GRAMD2A: variants seen among roughly 807,000 people sequenced by gnomAD.
GRAMD2A encodes GRAM domain-containing protein 2A.
A neutral mutation model predicts 51.1 loss-of-function variants in GRAMD2A; 37 were observed. The observed-to-expected ratio is 0.72, with a 90% CI of 0.56 to 0.95. GRAMD2A has a LOEUF of 0.95. Ranked by LOEUF, GRAMD2A falls within the 40% of genes least tolerant of loss-of-function variation. The pLI, the probability that GRAMD2A is intolerant of heterozygous loss-of-function variation, is 0.00. For synonymous variants in GRAMD2A, 136 were observed against 157.1 expected (o/e 0.87, Z 1.01); for missense variants, 414 against 426.9 (o/e 0.97, Z 0.27).
chr15:72,193,527 C>CTT (rs895492895), intron 1 of GRAMD2A, among the ~76,000 whole-genome samples: 1 of 134,656 alleles, frequency 7.4e-6, no homozygotes, highest in Non-Finnish European at 1.6e-5. Context: ...TTGTGCATTT[C>CTT]TTTTTTTTTT....
chr15:72,193,900 T>C (rs2081787232), intron 1 of GRAMD2A, among the ~76,000 whole-genome samples: 1 of 152,168 alleles, frequency 6.6e-6, no homozygotes, highest in Admixed American at 6.5e-5. Flanking sequence ...TACAGTGGCT[T>C]ATATCCCTGA....
At position 72,163,640 on chromosome 15, in the gene GRAMD2A, A is replaced by G; in HGVS notation, c.718T>C (p.Phe240Leu). The G allele has an allele frequency of 1.2e-6, 2 of 1,601,064 alleles. No individual in the cohort carries two copies. The highest frequency in any genetic ancestry group is 2.3e-5 in the South Asian group (2 of 88,278). Residue 240 changes from phenylalanine to leucine, a missense_variant, in exon 9 of 12, where the codon TTC becomes CTC. Coordinates refer to ENST00000309731, the MANE Select transcript of GRAMD2A (RefSeq NM_001012642.3). ...GACATTGGAGGCTTCCTGGAGGGGAAGAAACTGTCTGTGGAGTCCACGGAT... is the reference window on the plus strand; with the variant it reads ...GACATTGGAGGCTTCCTGGAGGGGAGGAAACTGTCTGTGGAGTCCACGGAT... ...PSSVDSTDSF[F>L]PSRKPPMSEK...
intron 1 of GRAMD2A, among the ~76,000 whole-genome samples, chr15:72,194,530 A>G (rs2081791324): frequency 1.3e-5 from 2 of 152,178 alleles, no homozygotes; most frequent in South Asian, 2.1e-4. Flanking sequence ...GGCATATACA[A>G]AAGTGAAGGT....
At chr15:72,171,830 T>A (rs1464320905) in intron 1 of GRAMD2A, among the ~76,000 whole-genome samples, 1 of 87,772 alleles carries the variant, frequency 1.1e-5, no homozygotes, top group Non-Finnish European at 3.1e-5. Context: ...TTTTCTGGCT[T>A]TTTTATTTTT....
chr15:72,177,717 G>A (rs997474706), intron 1 of GRAMD2A, among the ~76,000 whole-genome samples: 1 of 152,190 alleles, frequency 6.6e-6, no homozygotes, highest in Non-Finnish European at 1.5e-5. Flanking sequence ...CATAAGGCAG[G>A]TGTATGTTCA....
intron 1 of GRAMD2A, among the ~76,000 whole-genome samples, chr15:72,193,559 G>A (rs1027144362): frequency 6.8e-6 from 1 of 146,282 alleles, no homozygotes; most frequent in Non-Finnish European, 1.5e-5. Flanking sequence ...GTCTTGCTCT[G>A]TCGCCCAGGC....
chr15:72,162,442 C>A (rs2140542317), intron 10 of GRAMD2A, 65 bp from the exon 11 acceptor site: 1 of 1,267,424 alleles, frequency 7.9e-7, no homozygotes, highest in East Asian at 2.4e-5. Flanking sequence ...TGGAAGTTCA[C>A]CGGAAATAGT....
rs933863241 is a variant in GRAMD2A, at chr15:72,167,076, A to G, written c.389T>C (p.Val130Ala). The G allele has an allele frequency of 1.2e-6, 2 of 1,613,570 alleles. No homozygotes were observed. Among genetic ancestry groups the G allele is most frequent in the African/African-American group, 2.7e-5 (2 of 74,854 alleles). Reference sequence around the variant, plus strand: ...GTGTTTTTTGATCATTTGCACAGACACCACAGGAATGACCACCTGAGAGGG... The same window carrying G: ...GTGTTTTTTGATCATTTGCACAGACGCCACAGGAATGACCACCTGAGAGGG... ...GKDIKVVIPV[V>A]SVQMIKKHKM... The change falls in exon 6 of 12, where the codon GTG becomes GCG. Residue 130 changes from valine (V) to alanine (A), a missense_variant. Physicochemically the swap from Val to Ala is moderately conservative, Grantham distance 64 (BLOSUM62 0). Coordinates refer to ENST00000309731, the MANE Select transcript of GRAMD2A (RefSeq NM_001012642.3).
intron 1 of GRAMD2A, among the ~76,000 whole-genome samples, chr15:72,196,219 T>G (rs1404357563): frequency 6.6e-6 from 1 of 151,954 alleles, no homozygotes; most frequent in Non-Finnish European, 1.5e-5. Flanking sequence ...CAGAAGACTA[T>G]GGAGGGGGCC....
In GRAMD2A at chr15:72,194,727, G is replaced by A. The variant is rs375411868; in HGVS notation, c.41+3004C>T. ...TTTTGAGACAGAGTCTCACTCTGTC[G>A]CCCGGGCTGGAATGCAGTTGCGTGA... On this transcript the variant is annotated intron_variant, in intron 1 of 11. Transcript: ENST00000309731. Among the ~76,000 whole-genome samples the A allele has an allele frequency of 1.8e-4, 27 of 151,416 alleles. 1 individual carries two copies. The East Asian group carries it at 3.5e-3, about 20-fold the overall frequency.
chr15:72,195,538 C>A (rs1230216776), intron 1 of GRAMD2A, among the ~76,000 whole-genome samples: 2 of 152,166 alleles, frequency 1.3e-5, no homozygotes, highest in African/African-American at 4.8e-5. Flanking sequence ...CCGACCTCAA[C>A]CTCAGGGGGT....
intron 1 of GRAMD2A, among the ~76,000 whole-genome samples, chr15:72,186,389 A>G (rs1227706658): frequency 6.6e-6 from 1 of 150,860 alleles, no homozygotes; most frequent in Non-Finnish European, 1.5e-5. Context: ...CAGTGGCGCC[A>G]TCTCGGCTCA....
rs78787267 is a variant in GRAMD2A at position 72,179,654 on chromosome 15, G to A, written c.42-9715C>T. Among the ~76,000 whole-genome samples the A allele has an allele frequency of 5.3e-5, 8 of 152,220 alleles. No homozygotes were observed. The East Asian group carries it at 5.8e-4, about 11-fold the overall frequency. ...TTATCCCCTCTGTGACCTGCAGATC[G>A]TCAGGGCTACTGTGAGGATCTGCAA... On this transcript the variant is annotated intron_variant, in intron 1 of 11. Transcript: ENST00000309731.
At chr15:72,164,685 G>A (rs776024992) in intron 8 of GRAMD2A, among the ~76,000 whole-genome samples, 5 of 152,014 alleles carry the variant, frequency 3.3e-5, no homozygotes, top group Non-Finnish European at 4.4e-5. Flanking sequence ...GATTACAGGC[G>A]TGAGCCACCA....
chr15:72,192,800 G>A (rs1238789861), intron 1 of GRAMD2A, among the ~76,000 whole-genome samples: 1 of 152,176 alleles, frequency 6.6e-6, no homozygotes, highest in Non-Finnish European at 1.5e-5. Context: ...ACATCACTGA[G>A]GAAACACTAA....
intron 11 of GRAMD2A, 103 bp from the exon 12 acceptor site, chr15:72,162,115 G>T: frequency 6.9e-7 from 1 of 1,457,396 alleles, no homozygotes; most frequent in Non-Finnish European, 9.6e-7. Flanking sequence ...GAGTGGGCCA[G>T]GGTGGGACTG....
chr15:72,190,973 C>T (rs541003688), intron 1 of GRAMD2A, among the ~76,000 whole-genome samples: 1 of 152,110 alleles, frequency 6.6e-6, no homozygotes, highest in Admixed American at 6.6e-5. Context: ...AACTCAGGAA[C>T]CAACTTAAAG....
intron 2 of GRAMD2A, chr15:72,169,600 T>A (rs1490258112): frequency 1.5e-6 from 1 of 681,542 alleles, no homozygotes; most frequent in African/African-American, 1.8e-5. Flanking sequence ...TTGGCCAGGT[T>A]GGCCCAGAGC....
intron 1 of GRAMD2A, among the ~76,000 whole-genome samples, chr15:72,175,044 C>A (rs79277730): frequency 6.6e-6 from 1 of 152,044 alleles, no homozygotes; most frequent in Non-Finnish European, 1.5e-5. Flanking sequence ...ATCTCAGTAG[C>A]GGCCCCCCAA....
Sources: gnomAD v4.1 joint callset for allele counts (sites outside exome capture counted in the v4.1 genomes callset) on GRCh38, gnomAD v4.1.1 for gene constraint, MANE v1.5 for transcripts, NCBI Gene and HGNC (gene_info 2026-07-23, HGNC 2026-07-21) for gene names.